The following AKIRIN1 variants were observed in gnomAD, a reference collection of about 807,000 sequenced individuals.
AKIRIN1 encodes akirin 1, also known as akirin-1.
A neutral mutation model predicts 25.9 loss-of-function variants in AKIRIN1; 4 were observed. The ratio of observed to expected loss-of-function variants is 0.15; its 90% confidence interval spans 0.08 to 0.35. The LOEUF is 0.35. Among genes scored for constraint, AKIRIN1 ranks in the 10% least tolerant of loss-of-function variants. AKIRIN1 has a pLI of 1.00. For synonymous variants in AKIRIN1, 125 were observed against 105.1 expected (o/e 1.19, Z -1.16); for missense variants, 243 against 266.1 (o/e 0.91, Z 0.61).
At chr1:39,003,041 C>T (rs1268662897) in intron 3 of AKIRIN1, among the ~76,000 whole-genome samples, 7 of 152,130 alleles carry the variant, frequency 4.6e-5, no homozygotes, top group Non-Finnish European at 7.3e-5. Flanking sequence ...GCTGAAATTT[C>T]CTGGCTATGG....
intron 2 of AKIRIN1, 38 bp from the exon 3 acceptor site, chr1:39,000,934 A>G (rs770579020): frequency 1.3e-6 from 2 of 1,589,798 alleles, no homozygotes; most frequent in Non-Finnish European, 1.7e-6. Flanking sequence ...GGTGTGAACC[A>G]CCGCACCTGG....
Position 39,004,323 on chromosome 1 carries a change from A to G in AKIRIN1, c.*268A>G, listed in dbSNP as rs1043695370. 3.2e-6 allele frequency: 2 copies of G among 625,542 alleles called. No individual in the cohort carries two copies. Among genetic ancestry groups the G allele is most frequent in the Non-Finnish European group, 2.9e-6 (1 of 343,424 alleles). The allele number at this position is 625,542 out of a possible 1,614,324, so 38.7% of individuals were successfully genotyped here. On this transcript the variant is annotated 3_prime_UTR_variant, in exon 5 of 5. Transcript: ENST00000432648. ...AAAATACCTGGAGCAGCAGTTTAGCAAAATATGCCTTCAGTGGCATTCAAC... is the reference window on the plus strand; with the variant it reads ...AAAATACCTGGAGCAGCAGTTTAGCGAAATATGCCTTCAGTGGCATTCAAC...
intron 1 of AKIRIN1, 52 bp downstream of exon 1, chr1:38,991,652 G>T (rs761734601): frequency 7.4e-5 from 82 of 1,108,058 alleles, no homozygotes; most frequent in South Asian, 1.8e-4. Context: ...GGCATTTTTT[G>T]GGGGGGGTGG....
chr1:38,998,634 TG>T (rs1350985931), intron 2 of AKIRIN1, among the ~76,000 whole-genome samples: 2 of 152,140 alleles, frequency 1.3e-5, no homozygotes, highest in African/African-American at 4.8e-5. Context: ...CCGGCTGAGG[TG>T]GCTCATGCCT....
intron 2 of AKIRIN1, among the ~76,000 whole-genome samples, chr1:38,998,944 C>T (rs1472222347): frequency 6.6e-6 from 1 of 152,070 alleles, no homozygotes; most frequent in African/African-American, 2.4e-5. Flanking sequence ...ACTCATTAGC[C>T]ACATATGGCT....
At chr1:38,997,784 A>T (rs1309350350) in intron 1 of AKIRIN1, among the ~76,000 whole-genome samples, 5 of 152,224 alleles carry the variant, frequency 3.3e-5, no homozygotes, top group African/African-American at 4.8e-5. Context: ...AAAGGAGATT[A>T]AAAAATAATC....
chr1:39,004,897 G>A lies in AKIRIN1; in HGVS notation c.*842G>A, dbSNP rs1325945704. 1 of 152,398 alleles carries A rather than the reference G, an allele frequency of 6.6e-6. No individual in the cohort carries two copies. Among genetic ancestry groups the A allele is most frequent in the Non-Finnish European group, 1.5e-5 (1 of 68,128 alleles). The allele number at this position is 152,398 out of a possible 1,614,324, so 9.4% of individuals were successfully genotyped here. On this transcript the variant is annotated 3_prime_UTR_variant, in exon 5 of 5. Coordinates refer to ENST00000432648, the MANE Select transcript of AKIRIN1 (RefSeq NM_024595.3). ...GGGAAAAGGTCTACCCTGGAGCCAG[G>A]AGCATCAGGGTTGGCTTGGGAGCAT...
chr1:38,995,438 A>G (rs1643941002), intron 1 of AKIRIN1, among the ~76,000 whole-genome samples: 1 of 152,212 alleles, frequency 6.6e-6, no homozygotes, highest in Non-Finnish European at 1.5e-5. Flanking sequence ...ATCCACTGTT[A>G]AAAAGAAATT....
At chr1:39,004,016 C>T in intron 4 of AKIRIN1, 29 bp from the exon 5 acceptor site, 1 of 1,594,078 alleles carries the variant, frequency 6.3e-7, no homozygotes, top group Non-Finnish European at 8.6e-7. Flanking sequence ...GTATTCTTAC[C>T]CTTTTTGTTT....
intron 1 of AKIRIN1, among the ~76,000 whole-genome samples, chr1:38,994,455 T>A (rs1362568766): frequency 6.6e-6 from 1 of 152,216 alleles, no homozygotes; most frequent in Non-Finnish European, 1.5e-5. Flanking sequence ...TAACTGATTA[T>A]GACTTGAGAG....
chr1:38,992,812 T>C (rs1643918229), intron 1 of AKIRIN1, among the ~76,000 whole-genome samples: 1 of 152,172 alleles, frequency 6.6e-6, no homozygotes, highest in African/African-American at 2.4e-5. Context: ...TTATCATGTT[T>C]TTCCCTTCTA....
chr1:39,002,342 AT>A (rs1431805070), intron 3 of AKIRIN1, among the ~76,000 whole-genome samples: 1 of 152,222 alleles, frequency 6.6e-6, no homozygotes, highest in Non-Finnish European at 1.5e-5. Context: ...CAGAATATTA[AT>A]AGATCTGTTT....
At chr1:38,999,730 T>A (rs1409453622) in intron 2 of AKIRIN1, among the ~76,000 whole-genome samples, 1 of 152,212 alleles carries the variant, frequency 6.6e-6, no homozygotes, top group Non-Finnish European at 1.5e-5. Context: ...TGAGTTAGTT[T>A]AAGCAAAAAA....
chr1:39,001,574 G>A (rs1254507003), intron 3 of AKIRIN1, among the ~76,000 whole-genome samples: 1 of 151,922 alleles, frequency 6.6e-6, no homozygotes, highest in Non-Finnish European at 1.5e-5. Flanking sequence ...CCAAGACTTT[G>A]TTTTTTAAAT....
intron 3 of AKIRIN1, among the ~76,000 whole-genome samples, chr1:39,002,210 TAAG>T (rs1643998007): frequency 1.3e-5 from 2 of 152,140 alleles, no homozygotes; most frequent in South Asian, 4.1e-4. Context: ...TGTGAGTAAT[TAAG>T]AAATTTATGG....
chr1:38,994,672 A>ATTTTTTTTTTTTTTTTTTT (rs10528399), intron 1 of AKIRIN1, among the ~76,000 whole-genome samples: 17 of 63,554 alleles, frequency 2.7e-4, no homozygotes, highest in East Asian at 1.5e-3. Context: ...CGCTCGGCTA[A>ATTTTTTTTTTTTTTTTTTT]TTTTTTTTTT....
intron 1 of AKIRIN1, among the ~76,000 whole-genome samples, chr1:38,997,227 A>T (rs1203608632): frequency 1.3e-5 from 2 of 152,146 alleles, no homozygotes; most frequent in Non-Finnish European, 2.9e-5. Context: ...TGAAAACCAC[A>T]TCCTTTTAGA....
intron 1 of AKIRIN1, among the ~76,000 whole-genome samples, chr1:38,992,170 T>C (rs1570969345): frequency 6.6e-6 from 1 of 152,360 alleles, no homozygotes; most frequent in East Asian, 1.9e-4. Flanking sequence ...TCTTTTATTA[T>C]ATGGCTATTG....
rs1404493095 is a variant in AKIRIN1, at chr1:38,991,523, C to T, written c.143C>T (p.Pro48Leu). 2.1e-6 allele frequency: 3 copies of T among 1,459,142 alleles called. No homozygotes were observed. The highest frequency in any genetic ancestry group is 1.5e-5 in the African/African-American group (1 of 68,222). The allele number at this position is 1,459,142 out of a possible 1,614,324, so 90.4% of individuals were successfully genotyped here. A position where few individuals can be genotyped will look rare whatever the true frequency, so the allele number is the denominator to read the frequency against. ...CCCCCGGACGCCGAGCCGCCGCCGCCGTTTCAGACGCAGACCCCACCGCAG... is the reference window on the plus strand; with the variant it reads ...CCCCCGGACGCCGAGCCGCCGCCGCTGTTTCAGACGCAGACCCCACCGCAG... ...LRPPDAEPPP[P>L]FQTQTPPQSL... Residue 48 changes from proline (P) to leucine (L), a missense_variant, in exon 1 of 5, where the codon CCG becomes CTG. By Grantham distance (98) the Pro-to-Leu change is moderately conservative. Around this residue, in one of 3 missense-constraint regions of AKIRIN1, gnomAD observed 190 missense variants for 174.4 expected, o/e 1.09. Coordinates refer to ENST00000432648, the MANE Select transcript of AKIRIN1 (RefSeq NM_024595.3).
Sources: allele counts gnomAD v4.1 joint callset (sites outside exome capture counted in the v4.1 genomes callset), GRCh38; gene constraint gnomAD v4.1.1; regional missense constraint gnomAD v4.1.1; transcripts MANE v1.5; gene names NCBI Gene and HGNC (gene_info 2026-07-23, HGNC 2026-07-21).